Variants in DDX60 observed in about 807,000 individuals in gnomAD.
The protein encoded by DDX60 is probable ATP-dependent RNA helicase DDX60.
Under a neutral mutation model 212.8 loss-of-function variants are expected in DDX60, and 165 were observed. That is an observed-to-expected ratio of 0.78 (90% CI 0.68 to 0.88). The LOEUF (loss-of-function observed/expected upper bound fraction) is 0.88, where lower values mean the gene tolerates loss of function less well. DDX60 is among the 40% of genes least tolerant of loss of function. The pLI, the probability that DDX60 is intolerant of heterozygous loss-of-function variation, is 0.00. For synonymous variants in DDX60, 703 were observed against 685.3 expected (o/e 1.03, Z -0.40); for missense variants, 1,905 against 2,003.9 (o/e 0.95, Z 0.94).
chr4:168,306,878 A>C (rs1736907719), intron 4 of DDX60, among the ~76,000 whole-genome samples, 158 bp from the exon 5 acceptor site: 1 of 152,218 alleles, frequency 6.6e-6, no homozygotes, highest in South Asian at 2.1e-4. Context: ...ACCATCTTAC[A>C]GATATTTGCT....
chr4:168,297,489 G>C (rs980701701), intron 6 of DDX60, among the ~76,000 whole-genome samples: 3 of 151,578 alleles, frequency 2.0e-5, no homozygotes, highest in Admixed American at 1.3e-4. Context: ...GATGCCCAAA[G>C]GAGAATAATC....
chr4:168,311,339 T>A lies in DDX60; in HGVS notation c.-80A>T. 1 of 1,472,902 alleles carries A rather than the reference T, an allele frequency of 6.8e-7. No individual in the cohort carries two copies. Among genetic ancestry groups the A allele is most frequent in the Non-Finnish European group, 9.3e-7 (1 of 1,070,738 alleles). 91.2% of individuals were successfully genotyped at this position (1,472,902 alleles called of 1,614,324 possible). ...TACCCTTTATTTTGGTACCTCTAAG[T>A]GGCAGTTCTTAATGAAAATGGCAGT... On this transcript the variant is annotated 5_prime_UTR_variant, in exon 2 of 38. Coordinates refer to ENST00000393743, the MANE Select transcript of DDX60 (RefSeq NM_017631.6).
At chr4:168,237,046 GA>G (rs530978258) in intron 32 of DDX60, among the ~76,000 whole-genome samples, 204 of 151,608 alleles carry the variant, frequency 1.3e-3, no homozygotes, top group African/African-American at 4.1e-3. Flanking sequence ...TGGAGGCAAG[GA>G]ATCACTGAAG....
intron 37 of DDX60, among the ~76,000 whole-genome samples, chr4:168,220,036 C>CA (rs201747086): frequency 3.5e-4 from 49 of 141,452 alleles, no homozygotes; most frequent in East Asian, 1.0e-3. Flanking sequence ...AATTCTGTCT[C>CA]AAAAAAAAAA....
Position 168,272,135 on chromosome 4 carries a change from G to A in DDX60, c.2578C>T (p.Leu860Phe). 1 of 1,571,270 alleles carries A rather than the reference G, an allele frequency of 6.4e-7. No homozygotes were observed. The highest frequency in any genetic ancestry group is 1.4e-5 in the African/African-American group (1 of 73,956). Reference protein sequence around the residue: ...YRHDALNCQVLITVPACFEIL... With the variant: ...YRHDALNCQVFITVPACFEIL... ...TCAAAGCAGGCAGGCACTGTAATAA[G>A]TACCTACAAAGAATAATATTGTGTG... Residue 860 changes from leucine (L) to phenylalanine (F), a missense_variant, in exon 19 of 38, where the codon CTT becomes TTT. Leu to Phe is a conservative substitution (Grantham distance 22). Transcript: ENST00000393743.
rs1878313 is a variant in DDX60, at chr4:168,220,659, T to C, written c.5035A>G (p.Ile1679Val). 5.6e-6 allele frequency: 8 copies of C among 1,436,330 alleles called. No individual in the cohort carries two copies. The highest frequency in any genetic ancestry group is 7.5e-6 in the Non-Finnish European group (8 of 1,067,652). 89.0% of individuals were successfully genotyped at this position (1,436,330 alleles called of 1,614,324 possible). A position where few individuals can be genotyped will look rare whatever the true frequency, so the allele number is the denominator to read the frequency against. Residue 1679 changes from isoleucine (I) to valine (V), a missense_variant, in exon 37 of 38, where the codon ATC (isoleucine) becomes GTC (valine). Transcript: ENST00000393743. ...ATATTTAAATATATAACACACCTGA[T>C]AGATTTAATGGTGAGTGCAAAATCC... is the stretch of plus-strand genomic sequence containing the variant. ...LKDFALTIKSISVSLRELCEN... is the reference protein window; with the variant it reads ...LKDFALTIKSVSVSLRELCEN...
intron 7 of DDX60, 138 bp from the exon 8 acceptor site, chr4:168,292,044 T>TC (rs1227257050): frequency 3.1e-5 from 15 of 483,044 alleles, no homozygotes; most frequent in Non-Finnish European, 4.8e-5. Flanking sequence ...TTTCTTTCTT[T>TC]CTTTCTTTTT....
chr4:168,286,144 G>A (rs1171358175), intron 10 of DDX60, among the ~76,000 whole-genome samples: 1 of 151,432 alleles, frequency 6.6e-6, no homozygotes, highest in African/African-American at 2.4e-5. Context: ...AGGAAGAAAG[G>A]AAGGAAGATA....
rs184936528 is a variant in DDX60, at chr4:168,269,415, A to G, written c.2671-446T>C. 2.9e-3 allele frequency among the ~76,000 whole-genome samples: 435 copies of G among 152,140 alleles called. 1 individual carries two copies. Among genetic ancestry groups the G allele is most frequent in the Non-Finnish European group, 4.2e-3 (284 of 68,014 alleles). ...AGATCGAGGCCATCCTGGCTAACAC[A>G]GTGAAACCCCGTCTCCACTAAGAAA... On this transcript the variant is annotated intron_variant, in intron 19 of 37. Transcript: ENST00000393743.
intron 35 of DDX60, among the ~76,000 whole-genome samples, chr4:168,223,321 A>C (rs1733130987): frequency 6.6e-6 from 1 of 151,988 alleles, no homozygotes; most frequent in Admixed American, 6.6e-5. Flanking sequence ...AATAAACAAT[A>C]AAAGCAAAAC....
At chr4:168,263,730 C>T (rs1441205008) in intron 22 of DDX60, 1 of 152,148 alleles carries the variant, frequency 6.6e-6, no homozygotes, top group Non-Finnish European at 1.5e-5. Flanking sequence ...CCCCACAAGA[C>T]ACCAAATCTC....
chr4:168,246,055 CATAAAA>C (rs1213368517), intron 30 of DDX60, among the ~76,000 whole-genome samples: 6 of 152,092 alleles, frequency 3.9e-5, no homozygotes, highest in Non-Finnish European at 1.5e-5. Context: ...GTTACAAAAT[CATAAAA>C]ATAAATATTT....
chr4:168,312,911 G>C (rs1315974635), intron 1 of DDX60, among the ~76,000 whole-genome samples: 2 of 152,128 alleles, frequency 1.3e-5, no homozygotes, highest in African/African-American at 4.8e-5. Flanking sequence ...GGAGTTTAGG[G>C]ACCCTTAATG....
At chr4:168,247,587 T>C (rs1184304734) in intron 29 of DDX60, among the ~76,000 whole-genome samples, 1 of 152,154 alleles carries the variant, frequency 6.6e-6, no homozygotes, top group Non-Finnish European at 1.5e-5. Context: ...GGAGGTCGTA[T>C]GAAGATAAAC....
rs1579088069 is a variant in DDX60 at position 168,311,486 on chromosome 4, A to G, written c.-106-121T>C. The stretch of plus-strand genomic sequence containing the variant: ...GAATGAACAAATCAACATTGCTGAC[A>G]GTTCTCACAGAGCTTAAAGATAATT... On this transcript the variant is annotated intron_variant, in intron 1 of 37. Transcript: ENST00000393743. The G allele has an allele frequency of 8.1e-6, 4 of 492,902 alleles. No homozygotes were observed. The South Asian group carries it at 1.6e-4, about 20-fold the overall frequency. The allele number at this position is 492,902 out of a possible 1,614,324, so 30.5% of individuals were successfully genotyped here.
At chr4:168,217,068 G>T (rs1732873239) in intron 37 of DDX60, 36 bp from the exon 38 acceptor site, 2 of 1,368,622 alleles carry the variant, frequency 1.5e-6, no homozygotes, top group Non-Finnish European at 2.0e-6. Context: ...ATCCACTTTA[G>T]TGAGATTGAA....
At chr4:168,238,608 C>A (rs911274580) in intron 30 of DDX60, among the ~76,000 whole-genome samples, 5 of 151,898 alleles carry the variant, frequency 3.3e-5, no homozygotes, top group African/African-American at 1.2e-4. Context: ...TTTGAGGGCA[C>A]CATATCTGGC....
chr4:168,224,925 T>C (rs1380465341), intron 34 of DDX60, among the ~76,000 whole-genome samples: 1 of 152,034 alleles, frequency 6.6e-6, no homozygotes, highest in Non-Finnish European at 1.5e-5. Flanking sequence ...TTTGTATCTA[T>C]TTTCCCTTAG....
chr4:168,254,158 G>T (rs1046149166), intron 26 of DDX60, among the ~76,000 whole-genome samples: 1 of 152,150 alleles, frequency 6.6e-6, no homozygotes, highest in African/African-American at 2.4e-5. Flanking sequence ...GACAAATATA[G>T]CTCCATAATA....
Sources: allele counts gnomAD v4.1 joint callset (sites outside exome capture counted in the v4.1 genomes callset), GRCh38; gene constraint gnomAD v4.1.1; transcripts MANE v1.5; gene names NCBI Gene and HGNC (gene_info 2026-07-23, HGNC 2026-07-21).